The following PXK variants were observed in gnomAD, a reference collection of about 807,000 sequenced individuals.
The protein encoded by PXK is PX domain containing serine/threonine kinase like.
In PXK, 35 loss-of-function variants were observed where a neutral mutation model predicts 84.7. The observed-to-expected ratio is 0.41, with a 90% confidence interval of 0.32 to 0.55. The LOEUF (loss-of-function observed/expected upper bound fraction) is 0.55. PXK is among the 20% of genes least tolerant of loss of function. The pLI, the probability that PXK is intolerant of heterozygous loss-of-function variation, is 0.21. For synonymous variants in PXK, 253 were observed against 260.8 expected (o/e 0.97, Z 0.29); for missense variants, 634 against 699.7 (o/e 0.91, Z 1.06).
chr3:58,425,104 C>G lies in PXK; in HGVS notation c.*144C>G. On this transcript the variant is annotated 3_prime_UTR_variant, in exon 18 of 18. Transcript: ENST00000356151. ...ATTTTGCAGATGCTCATGTAAGCAG[C>G]TTTTCGAGAGAAATAATTCTTTAAG... 8.2e-7 allele frequency: 1 copy of G among 1,215,702 alleles called. No individual in the cohort carries two copies. The allele number at this position is 1,215,702 out of a possible 1,614,324, so 75.3% of individuals were successfully genotyped here.
chr3:58,422,774 C>A, intron 17 of PXK: 1 of 985,412 alleles, frequency 1.0e-6, no homozygotes, highest in Non-Finnish European at 1.2e-6. Context: ...TCCAGCCCCC[C>A]AAAATCCTTG....
chr3:58,356,893 G>T (rs1401006048), intron 1 of PXK, among the ~76,000 whole-genome samples: 2 of 72,476 alleles, frequency 2.8e-5, no homozygotes. Flanking sequence ...GAGCCACTGC[G>T]CCCGGCCTCT....
intron 4 of PXK, among the ~76,000 whole-genome samples, chr3:58,384,362 G>A (rs1372000113): frequency 6.6e-6 from 1 of 152,142 alleles, no homozygotes; most frequent in East Asian, 1.9e-4. Context: ...TGCTCTACAG[G>A]GCTAAGGAAA....
chr3:58,345,739 G>C (rs986981832), intron 1 of PXK, among the ~76,000 whole-genome samples: 1 of 152,124 alleles, frequency 6.6e-6, no homozygotes, highest in African/African-American at 2.4e-5. Flanking sequence ...CCATTTGGAA[G>C]CTCCTACTCT....
chr3:58,397,284 C>A lies in PXK; in HGVS notation c.984+84C>A. ...ATCTGCCCATGTAGGAAATATGCAC[C>A]AAGTAGTGAAAGGTATAGTTGGGAC... is the stretch of plus-strand genomic sequence containing the variant. On this transcript the variant is annotated intron_variant, in intron 10 of 17. Transcript: ENST00000356151. The surrounding 1 kb of genome is among the most constrained non-coding windows in gnomAD (Gnocchi z 4.7). 6.8e-7 allele frequency: 1 copy of A among 1,461,042 alleles called. No individual in the cohort carries two copies. The highest frequency in any genetic ancestry group is 9.5e-7 in the Non-Finnish European group (1 of 1,057,698). 90.5% of individuals were successfully genotyped at this position (1,461,042 alleles called of 1,614,324 possible).
At chr3:58,338,107 C>T (rs941959195) in intron 1 of PXK, among the ~76,000 whole-genome samples, 39 of 148,660 alleles carry the variant, frequency 2.6e-4, no homozygotes, top group African/African-American at 8.2e-4. Context: ...TTTGGGAGGC[C>T]GAGGCAGGCA....
Position 58,397,713 on chromosome 3 carries a change from A to G in PXK, c.1093A>G (p.Met365Val), listed in dbSNP as rs752321323. The change falls in exon 11 of 18, where the codon ATG becomes GTG. Residue 365 changes from methionine (M) to valine (V), a missense_variant. Physicochemically the swap from Met to Val is conservative, Grantham distance 21. This residue lies in a region of PXK where 273 missense variants were observed against 283.6 expected (regional missense o/e 0.96). Coordinates refer to ENST00000356151, the MANE Select transcript of PXK (RefSeq NM_017771.5). The surrounding 1 kb of genome is among the most constrained non-coding windows in gnomAD (Gnocchi z 4.7). ...PVDSFPPAPS[M>V]AVVAVLESTL... The stretch of plus-strand genomic sequence containing the variant: ...GGACTCCTTCCCTCCTGCCCCGTCC[A>G]TGGCTGTGGGTCAGTATGGGGTTGG... 11 of 1,612,874 alleles carry G rather than the reference A, an allele frequency of 6.8e-6. No homozygotes were observed. The highest frequency in any genetic ancestry group is 4.5e-5 in the East Asian group (2 of 44,876).
At chr3:58,389,953 C>T (rs56399729) in intron 4 of PXK, among the ~76,000 whole-genome samples, 3,032 of 140,248 alleles carry the variant, frequency 0.022, 111 homozygotes, top group African/African-American at 0.076. Context: ...GAGCCGAGAT[C>T]GCACCATTGC....
At chr3:58,359,118 G>A (rs932822534) in intron 1 of PXK, among the ~76,000 whole-genome samples, 1 of 152,096 alleles carries the variant, frequency 6.6e-6, no homozygotes, top group Non-Finnish European at 1.5e-5. Flanking sequence ...AAAAACACAT[G>A]TCCAAACTTT....
At chr3:58,342,156 C>G (rs965628816) in intron 1 of PXK, among the ~76,000 whole-genome samples, 1 of 152,104 alleles carries the variant, frequency 6.6e-6, no homozygotes, top group Non-Finnish European at 1.5e-5. Flanking sequence ...CTATTGTTAT[C>G]GGAATTGTTT....
intron 7 of PXK, among the ~76,000 whole-genome samples, chr3:58,393,801 A>C (rs1219743145): frequency 6.6e-6 from 1 of 152,160 alleles, no homozygotes; most frequent in Non-Finnish European, 1.5e-5. Context: ...TTTAACATTT[A>C]ATGTGATTTT....
At chr3:58,359,541 A>G (rs906380894) in intron 1 of PXK, among the ~76,000 whole-genome samples, 2 of 151,982 alleles carry the variant, frequency 1.3e-5, no homozygotes, top group African/African-American at 2.4e-5. Context: ...AAAAAAAAAA[A>G]AAAGAAAAAA....
rs143332755 is a variant in PXK, at chr3:58,425,428, T to A, written c.*468T>A. 4.0e-3 allele frequency: 646 copies of A among 163,280 alleles called. 3 individuals are homozygous for A. The highest frequency in any genetic ancestry group is 5.5e-3 in the Non-Finnish European group (408 of 74,540). 10.1% of individuals were successfully genotyped at this position (163,280 alleles called of 1,614,324 possible). On this transcript the variant is annotated 3_prime_UTR_variant, in exon 18 of 18. Transcript: ENST00000356151. ...ATAACTCCAATTTTTGCTACCTTTATCTTAGACATTAACACTATAGCCCAA... is the reference window on the plus strand; with the variant it reads ...ATAACTCCAATTTTTGCTACCTTTAACTTAGACATTAACACTATAGCCCAA...
rs2108403815 is a variant in PXK, at chr3:58,364,365, T to C, written c.103-1509T>C. 6.6e-6 allele frequency among the ~76,000 whole-genome samples: 1 copy of C among 152,216 alleles called. No individual in the cohort carries two copies. The highest frequency in any genetic ancestry group is 1.9e-4 in the East Asian group (1 of 5,186). On this transcript the variant is annotated intron_variant, in intron 1 of 17. Transcript: ENST00000356151. The surrounding 1 kb of genome is among the most constrained non-coding windows in gnomAD (Gnocchi z 4.3). Reference sequence around the variant, plus strand: ...CTCCAGTGAAACCATTGGGCCTTGATACATATTTGGCGGGGGGAGGGGAGC... The same window carrying C: ...CTCCAGTGAAACCATTGGGCCTTGACACATATTTGGCGGGGGGAGGGGAGC...
At chr3:58,362,586 C>T (rs913393538) in intron 1 of PXK, among the ~76,000 whole-genome samples, 1 of 152,194 alleles carries the variant, frequency 6.6e-6, no homozygotes, top group East Asian at 1.9e-4. Context: ...ATTAGGCATA[C>T]TTATATGGAA....
chr3:58,348,528 A>C (rs747844504), intron 1 of PXK, among the ~76,000 whole-genome samples: 92 of 152,376 alleles, frequency 6.0e-4, no homozygotes, highest in Middle Eastern at 3.4e-3. Flanking sequence ...ATGTTAAAAA[A>C]GTAAAAAGAA....
At position 58,397,898 on chromosome 3, in the gene PXK, A is replaced by C. The variant is rs368698442; in HGVS notation, c.1102+176A>C. On this transcript the variant is annotated intron_variant, in intron 11 of 17. Coordinates refer to ENST00000356151, the MANE Select transcript of PXK (RefSeq NM_017771.5). This position sits in a 1 kb window ranked among gnomAD's most constrained non-coding sequence, Gnocchi z 4.7. ...AGTTTACTTAAATACACTTCTGTGA[A>C]AATTCAGGTGGCTTGTCCATTTGCC... 6.6e-5 allele frequency among the ~76,000 whole-genome samples: 10 copies of C among 152,344 alleles called. No homozygotes were observed. Among genetic ancestry groups the C allele is most frequent in the African/African-American group, 2.4e-4 (10 of 41,590 alleles).
At chr3:58,392,959 C>T (rs2098646328) in intron 7 of PXK, among the ~76,000 whole-genome samples, 1 of 151,870 alleles carries the variant, frequency 6.6e-6, no homozygotes, top group African/African-American at 2.4e-5. Flanking sequence ...CGCACCCGGC[C>T]CTAAATTTCT....
In PXK at chr3:58,391,887, A is replaced by G. The variant is rs2098635544; in HGVS notation, c.615+40A>G. On this transcript the variant is annotated intron_variant, in intron 7 of 17. Coordinates refer to ENST00000356151, the MANE Select transcript of PXK (RefSeq NM_017771.5). ...TTCTTTTATTCTCAGTGCTGATGAT[A>G]GAGTCACAGTATTTTTTCTGGGTGA... 2.6e-6 allele frequency: 4 copies of G among 1,530,596 alleles called. No individual in the cohort carries two copies. In the African/African-American group the frequency reaches 4.1e-5, roughly 16 times the overall value. 94.8% of individuals were successfully genotyped at this position (1,530,596 alleles called of 1,614,324 possible).
Sources: gnomAD v4.1 joint callset for allele counts (sites outside exome capture counted in the v4.1 genomes callset) on GRCh38, gnomAD v4.1.1 for gene constraint, gnomAD v4.1.1 regional missense constraint, Gnocchi (gnomAD v3.1) non-coding constraint, MANE v1.5 for transcripts, NCBI Gene and HGNC (gene_info 2026-07-23, HGNC 2026-07-21) for gene names.